The following RGS6 variants were observed in gnomAD, a reference collection of about 807,000 sequenced individuals.
The protein encoded by RGS6 is regulator of G-protein signaling 6.
Under a neutral mutation model 78.5 loss-of-function variants are expected in RGS6, and 30 were observed. The observed-to-expected ratio is 0.38, with a 90% CI of 0.29 to 0.52. The LOEUF (loss-of-function observed/expected upper bound fraction) is 0.52, where lower values mean the gene tolerates loss of function less well. Ranked by LOEUF, RGS6 falls within the 20% of genes least tolerant of loss-of-function variation. The pLI, the probability that RGS6 is intolerant of heterozygous loss-of-function variation, is 0.85. For missense variants in RGS6, 495 were observed against 609.7 expected, an observed-to-expected ratio of 0.81 and a Z score of 1.98; for synonymous variants, 206 against 206.0, an observed-to-expected ratio of 1.00 and a Z score of 0.00.
chr14:71,907,167 G>A, the RGS6 span, among the ~76,000 whole-genome samples: 5 of 152,172 alleles, frequency 3.3e-5, no homozygotes, highest in Admixed American at 6.5e-5. Context: ...ATGAGGCTAC[G>A]GTCCAGAGGG....
intron 3 of RGS6, among the ~76,000 whole-genome samples, chr14:72,434,983 A>AG (rs2094833667): frequency 6.6e-6 from 1 of 152,190 alleles, no homozygotes; most frequent in African/African-American, 2.4e-5. Flanking sequence ...AGAGACCAAA[A>AG]GTCTGACTGA....
At chr14:72,460,809 T>C (rs796112173) in intron 6 of RGS6, among the ~76,000 whole-genome samples, 24 of 152,144 alleles carry the variant, frequency 1.6e-4, no homozygotes, top group African/African-American at 5.5e-4. Context: ...AGCTGGGTGG[T>C]GATCAGGGGA....
intron 1 of RGS6, among the ~76,000 whole-genome samples, chr14:71,955,150 C>T (rs1364545174): frequency 6.6e-6 from 1 of 152,154 alleles, no homozygotes; most frequent in Non-Finnish European, 1.5e-5. Context: ...TGTCTCCTCT[C>T]TTGACTTTAG....
intron 2 of RGS6, among the ~76,000 whole-genome samples, chr14:72,280,117 C>A (rs2061338646): frequency 1.3e-5 from 2 of 152,080 alleles, no homozygotes; most frequent in African/African-American, 2.4e-5. Context: ...GCCACGCCCC[C>A]ACCCCAGGCC....
intron 2 of RGS6, among the ~76,000 whole-genome samples, chr14:72,221,899 A>C (rs917812589): frequency 6.6e-6 from 1 of 152,216 alleles, no homozygotes; most frequent in Non-Finnish European, 1.5e-5. Context: ...TTGCAGCTCC[A>C]TGGGAAGAAG....
chr14:72,014,285 C>T (rs925831822), intron 2 of RGS6, among the ~76,000 whole-genome samples: 3 of 152,198 alleles, frequency 2.0e-5, no homozygotes, highest in Non-Finnish European at 4.4e-5. Flanking sequence ...GACACACAGT[C>T]TAAATGGATT....
intron 2 of RGS6, among the ~76,000 whole-genome samples, chr14:72,263,466 C>T (rs1474127280): frequency 2.0e-5 from 3 of 152,080 alleles, no homozygotes; most frequent in African/African-American, 7.2e-5. Flanking sequence ...CCTCCAACCT[C>T]CCCCTTCTCT....
chr14:72,085,972 C>T (rs1191697263), intron 2 of RGS6, among the ~76,000 whole-genome samples: 1 of 151,774 alleles, frequency 6.6e-6, no homozygotes, highest in African/African-American at 2.4e-5. Context: ...AAAAAGTTGC[C>T]TTCCCTGGAC....
intron 2 of RGS6, among the ~76,000 whole-genome samples, chr14:72,001,514 ACACACAC>A (rs766405799): frequency 9.0e-6 from 1 of 111,720 alleles, no homozygotes; most frequent in Non-Finnish European, 2.0e-5. Flanking sequence ...ACACACACAC[ACACACAC>A]AACGCAGCAA....
the RGS6 span, among the ~76,000 whole-genome samples, chr14:72,607,491 C>A: frequency 6.6e-6 from 1 of 152,316 alleles, no homozygotes; most frequent in South Asian, 2.1e-4. Flanking sequence ...TCCCAAAGTC[C>A]CTGCTTCTAA....
intron 14 of RGS6, among the ~76,000 whole-genome samples, chr14:72,513,389 G>A (rs1038361617): frequency 1.3e-5 from 2 of 152,076 alleles, no homozygotes; most frequent in Non-Finnish European, 1.5e-5. Context: ...TGAGGGTGGG[G>A]GCATCATCTC....
At chr14:72,464,307 A>G (rs2095849097) in intron 6 of RGS6, among the ~76,000 whole-genome samples, 1 of 152,170 alleles carries the variant, frequency 6.6e-6, no homozygotes, top group Admixed American at 6.5e-5. Context: ...CATTAATTTC[A>G]TTGAGACGTG....
intron 3 of RGS6, among the ~76,000 whole-genome samples, chr14:72,441,644 G>A (rs1358687029): frequency 6.6e-6 from 1 of 152,228 alleles, no homozygotes; most frequent in Non-Finnish European, 1.5e-5. Context: ...CTGTTTTGTG[G>A]TCATCACTCC....
At chr14:72,568,126 T>C (rs11851319), downstream of RGS6, among the ~76,000 whole-genome samples, 49,937 of 152,116 alleles carry the variant, frequency 0.33, 10,725 homozygotes, top group African/African-American at 0.61. Context: ...CTCAGAGCCC[T>C]GAGGTGTCTC....
intron 2 of RGS6, among the ~76,000 whole-genome samples, chr14:72,265,948 G>A (rs1292934527): frequency 3.5e-5 from 5 of 142,646 alleles, no homozygotes; most frequent in Admixed American, 7.2e-5. Flanking sequence ...TGGGGGGGGG[G>A]GCGGGAGGCA....
the RGS6 span, among the ~76,000 whole-genome samples, chr14:71,876,437 A>T: frequency 7.1e-6 from 1 of 140,404 alleles, no homozygotes; most frequent in Non-Finnish European, 1.5e-5. Context: ...GTTGGTTTAA[A>T]ATCTGTTTTA....
At chr14:72,224,660 C>T (rs1250182247) in intron 2 of RGS6, among the ~76,000 whole-genome samples, 2 of 152,072 alleles carry the variant, frequency 1.3e-5, no homozygotes, top group African/African-American at 2.4e-5. Context: ...TTTTAGGACA[C>T]TGTACACTTT....
At chr14:71,886,485 T>G in the RGS6 span, among the ~76,000 whole-genome samples, 129,324 of 152,122 alleles carry the variant, frequency 0.85, 55,190 homozygotes, top group Middle Eastern at 0.91. Flanking sequence ...ATACAGTGTT[T>G]GAGTTTTTTC....
intron 2 of RGS6, among the ~76,000 whole-genome samples, chr14:72,345,127 G>T (rs2077768346): frequency 6.6e-6 from 1 of 152,192 alleles, no homozygotes; most frequent in African/African-American, 2.4e-5. Context: ...TGCTTTTCCT[G>T]ATAAAAGGAA....
Sources: allele counts gnomAD v4.1 joint callset (sites outside exome capture counted in the v4.1 genomes callset), GRCh38; gene constraint gnomAD v4.1.1; transcripts MANE v1.5; gene names NCBI Gene and HGNC (gene_info 2026-07-23, HGNC 2026-07-21).